Variants in RABEP2 observed in about 807,000 individuals in gnomAD.
RABEP2 encodes the protein rabaptin, RAB GTPase binding effector protein 2.
RABEP2 carries 57 observed loss-of-function variants against 74.1 expected under a neutral mutation model. That is an observed-to-expected ratio of 0.77 (90% CI 0.62 to 0.96). RABEP2 has a LOEUF of 0.96. Among genes scored for constraint, RABEP2 ranks in the 40% least tolerant of loss-of-function variants. The pLI is 0.00. For synonymous variants in RABEP2, 351 were observed against 344.0 expected (o/e 1.02, Z -0.23); for missense variants, 692 against 756.3 (o/e 0.91, Z 1.00).
chr16:28,905,456 C>G lies in RABEP2; in HGVS notation c.1549G>C (p.Glu517Gln). 1 of 1,608,354 alleles carries G rather than the reference C, an allele frequency of 6.2e-7. No homozygotes were observed. Among genetic ancestry groups the G allele is most frequent in the Middle Eastern group, 1.7e-4 (1 of 5,962 alleles). The change falls in exon 12 of 13, where the codon GAG becomes CAG. Residue 517 changes from glutamate to glutamine, a missense_variant. Coordinates refer to ENST00000358201, the MANE Select transcript of RABEP2 (RefSeq NM_024816.3). ...QRAKVLRLQA[E>Q]LETSEQVQRD... ...TGCACCTGCTCACTGGTCTCCAGCT[C>G]TGCCTGCAGCCGCAGCACCTTGGCC...
rs554614813 is a variant in RABEP2, at chr16:28,906,770, GAAACAA to G, written c.1246-580_1246-575del. On this transcript the variant is annotated intron_variant, in intron 8 of 12. Transcript: ENST00000358201. ...ACAGAACAAGACTCCATCTCAAACA[GAAACAA>G]AAACAAAAACAAACAACAACAACAA... 9.2e-5 allele frequency among the ~76,000 whole-genome samples: 14 copies of G among 151,482 alleles called. No homozygotes were observed. The South Asian group carries it at 2.5e-3, about 27-fold the overall frequency.
At chr16:28,920,992 TA>T in intron 2 of RABEP2, 1 of 340,820 alleles carries the variant, frequency 2.9e-6, no homozygotes, top group South Asian at 2.2e-5. Context: ...GTGCCCCGAG[TA>T]GCTGGGACTA....
intron 7 of RABEP2, 75 bp from the exon 8 acceptor site, chr16:28,908,839 G>T: frequency 6.8e-7 from 1 of 1,460,190 alleles, no homozygotes; most frequent in Non-Finnish European, 9.3e-7. Flanking sequence ...AAACCTCCTT[G>T]AACCCTCCTC....
At chr16:28,918,488 G>A (rs1294072325) in intron 3 of RABEP2, among the ~76,000 whole-genome samples, 1 of 151,876 alleles carries the variant, frequency 6.6e-6, no homozygotes, top group African/African-American at 2.4e-5. Flanking sequence ...GGTGGCAGGT[G>A]CCTGTAATTC....
intron 2 of RABEP2, 44 bp from the exon 3 acceptor site, chr16:28,919,987 G>A: frequency 6.6e-7 from 1 of 1,523,948 alleles, no homozygotes; most frequent in Non-Finnish European, 8.9e-7. Context: ...GGGTCAATGA[G>A]CCAGCCCTGC....
At chr16:28,914,812 T>G in intron 3 of RABEP2, 30 bp from the exon 4 acceptor site, 1 of 1,597,196 alleles carries the variant, frequency 6.3e-7, no homozygotes, top group Non-Finnish European at 8.6e-7. Context: ...GCAGCAATAG[T>G]TCCCCCTCCA....
intron 2 of RABEP2, 114 bp downstream of exon 2, chr16:28,924,289 G>C (rs1289730044): frequency 2.8e-6 from 3 of 1,059,146 alleles, no homozygotes; most frequent in East Asian, 5.0e-5. Flanking sequence ...CATGCCCTGT[G>C]CCAGGCAGCC....
intron 2 of RABEP2, among the ~76,000 whole-genome samples, chr16:28,922,551 C>T (rs945342329): frequency 6.6e-6 from 1 of 151,968 alleles, no homozygotes; most frequent in African/African-American, 2.4e-5. Flanking sequence ...GAAACCCCGT[C>T]TCTACTAAAA....
intron 3 of RABEP2, among the ~76,000 whole-genome samples, chr16:28,918,334 C>T (rs916242586): frequency 2.6e-5 from 4 of 151,954 alleles, no homozygotes; most frequent in Non-Finnish European, 4.4e-5. Flanking sequence ...CAGCCTGGGC[C>T]GGGCGCGGTG....
intron 3 of RABEP2, among the ~76,000 whole-genome samples, chr16:28,918,566 G>A (rs1239656133): frequency 6.6e-6 from 1 of 151,612 alleles, no homozygotes; most frequent in East Asian, 2.0e-4. Flanking sequence ...AGTGAGTCGA[G>A]ATTGCGCCAC....
chr16:28,921,335 C>T, intron 2 of RABEP2: 2 of 424,250 alleles, frequency 4.7e-6, no homozygotes, highest in Non-Finnish European at 9.6e-6. Flanking sequence ...GAGGACCCTT[C>T]CTGGGCTTGG....
intron 5 of RABEP2, among the ~76,000 whole-genome samples, chr16:28,913,491 ATTATT>A (rs1379721899): frequency 3.3e-5 from 5 of 151,900 alleles, no homozygotes; most frequent in African/African-American, 1.2e-4. Flanking sequence ...TATTGTTATT[ATTATT>A]TTGAGACAGA....
At chr16:28,914,206 A>C in intron 5 of RABEP2, 30 bp downstream of exon 5, 5 of 1,530,284 alleles carry the variant, frequency 3.3e-6, no homozygotes, top group African/African-American at 1.4e-5. Flanking sequence ...GGGGGATGGT[A>C]CACCCCGCCA....
chr16:28,904,433 C>T lies in RABEP2; in HGVS notation c.*510G>A, dbSNP rs938321341. 1.3e-6 allele frequency: 2 copies of T among 1,530,194 alleles called. No individual in the cohort carries two copies. The highest frequency in any genetic ancestry group is 2.7e-5 in the African/African-American group (2 of 72,924). 94.8% of individuals were successfully genotyped at this position (1,530,194 alleles called of 1,614,324 possible). A position where few individuals can be genotyped will look rare whatever the true frequency, so the allele number is the denominator to read the frequency against. ...CAAGGCGACCGACTGCGCTGAGCTG[C>T]TTATTTATTGAAAATAAACGACGGA... On this transcript the variant is annotated 3_prime_UTR_variant, in exon 13 of 13. Coordinates refer to ENST00000358201, the MANE Select transcript of RABEP2 (RefSeq NM_024816.3).
At chr16:28,908,231 G>A (rs1421603217) in intron 8 of RABEP2, among the ~76,000 whole-genome samples, 7 of 147,280 alleles carry the variant, frequency 4.8e-5, no homozygotes, top group Non-Finnish European at 7.4e-5. Context: ...GTGAGCCATC[G>A]CGCCTGGCTA....
intron 5 of RABEP2, 27 bp downstream of exon 5, chr16:28,914,209 C>T (rs754207975): frequency 1.9e-6 from 3 of 1,541,562 alleles, no homozygotes; most frequent in Non-Finnish European, 2.6e-6. Flanking sequence ...GGATGGTACA[C>T]CCCGCCACCC....
At position 28,914,317 on chromosome 16, in the gene RABEP2, G is replaced by A; in HGVS notation, c.813C>T (p.Thr271=). 2 of 1,613,210 alleles carry A rather than the reference G, an allele frequency of 1.2e-6. No homozygotes were observed. The highest frequency in any genetic ancestry group is 8.5e-7 in the Non-Finnish European group (1 of 1,180,008). Residue 271 remains threonine (T), a synonymous_variant, in exon 5 of 13, where the codon ACC becomes ACT. Transcript: ENST00000358201. ...EETASLVSTG[T]LVPEGIYLPP... is the part of the protein sequence containing the mutation. ...GCAGGTAGATGCCCTCGGGAACCAG[G>A]GTGCCCGTAGACACCAGCGAGGCCG... is the stretch of plus-strand genomic sequence containing the variant.
intron 1 of RABEP2, 87 bp downstream of exon 1, chr16:28,925,016 C>T: frequency 7.1e-7 from 1 of 1,400,666 alleles, no homozygotes; most frequent in Non-Finnish European, 9.8e-7. Flanking sequence ...CTCCATCATC[C>T]CTCTCCACCC....
chr16:28,920,506 G>A (rs1051974721), intron 2 of RABEP2, among the ~76,000 whole-genome samples: 8 of 151,606 alleles, frequency 5.3e-5, no homozygotes, highest in East Asian at 3.9e-4. Context: ...GTGCCTCAGC[G>A]TCCTGTGTAG....
Sources: allele counts gnomAD v4.1 joint callset (sites outside exome capture counted in the v4.1 genomes callset), GRCh38; gene constraint gnomAD v4.1.1; transcripts MANE v1.5; gene names NCBI Gene and HGNC (gene_info 2026-07-23, HGNC 2026-07-21).